NRG3: variants seen among roughly 807,000 people sequenced by gnomAD.
NRG3 encodes pro-neuregulin-3, membrane-bound isoform.
In NRG3, 31 loss-of-function variants were observed where a neutral mutation model predicts 66.9. The observed-to-expected ratio is 0.46, with a 90% CI of 0.35 to 0.63. NRG3 has a LOEUF of 0.63. Among genes scored for constraint, NRG3 ranks in the 20% least tolerant of loss-of-function variants. The probability of loss-of-function intolerance (pLI) is 0.00; values close to 1 mark genes in which losing one functional copy is unlikely to be tolerated. For missense variants in NRG3, 910 were observed against 878.9 expected (o/e 1.04, Z -0.45); for synonymous variants, 393 against 359.4 (o/e 1.09, Z -1.06).
chr10:82,805,719 G>A (rs923206548), intron 3 of NRG3, among the ~76,000 whole-genome samples: 11 of 152,166 alleles, frequency 7.2e-5, no homozygotes. Context: ...TCTCCAAGGA[G>A]ATGTTCCTGA....
intron 1 of NRG3, among the ~76,000 whole-genome samples, chr10:81,963,860 TTAGTCATG>T (rs1224905894): frequency 6.6e-6 from 1 of 152,210 alleles, no homozygotes; most frequent in Admixed American, 6.5e-5. Flanking sequence ...TGGGATGTTA[TTAGTCATG>T]TAGAGGCAGA....
intron 1 of NRG3, among the ~76,000 whole-genome samples, chr10:82,012,485 C>T (rs2061621319): frequency 6.6e-6 from 1 of 150,748 alleles, no homozygotes; most frequent in African/African-American, 2.4e-5. Context: ...GCAGATTTCT[C>T]AGCTGGCTTG....
intron 1 of NRG3, among the ~76,000 whole-genome samples, chr10:82,311,944 T>A (rs1022185215): frequency 1.3e-5 from 2 of 152,200 alleles, no homozygotes; most frequent in African/African-American, 4.8e-5. Flanking sequence ...ACATTCTGGC[T>A]CTATTACTTT....
intron 1 of NRG3, among the ~76,000 whole-genome samples, chr10:82,233,375 CAA>C (rs1357773411): frequency 2.0e-5 from 3 of 152,014 alleles, no homozygotes; most frequent in African/African-American, 7.3e-5. Flanking sequence ...AAAAACAAAA[CAA>C]AACAAAACAA....
At chr10:81,961,943 C>A (rs915769187) in intron 1 of NRG3, among the ~76,000 whole-genome samples, 4 of 152,196 alleles carry the variant, frequency 2.6e-5, no homozygotes, top group African/African-American at 9.7e-5. Context: ...GCTTTGGTGG[C>A]TCTACCAAGT....
At chr10:81,906,623 G>A (rs1043816188) in intron 1 of NRG3, among the ~76,000 whole-genome samples, 3 of 152,130 alleles carry the variant, frequency 2.0e-5, no homozygotes, top group African/African-American at 4.8e-5. Context: ...ATGTTGCCAC[G>A]TGAGGTCTGA....
At chr10:82,118,469 TTTTC>T (rs1348495210) in intron 1 of NRG3, among the ~76,000 whole-genome samples, 2 of 152,058 alleles carry the variant, frequency 1.3e-5, no homozygotes, top group Non-Finnish European at 2.9e-5. Flanking sequence ...CTGTAGATGT[TTTTC>T]TTTTTTAATA....
intron 1 of NRG3, among the ~76,000 whole-genome samples, chr10:81,992,106 C>A (rs904886316): frequency 6.6e-6 from 1 of 152,004 alleles, no homozygotes; most frequent in African/African-American, 2.4e-5. Flanking sequence ...TTAATATAAG[C>A]AAAAACTGTC....
intron 2 of NRG3, among the ~76,000 whole-genome samples, chr10:82,438,829 C>A (rs2090287703): frequency 2.6e-5 from 4 of 152,272 alleles, no homozygotes; most frequent in African/African-American, 7.2e-5. Context: ...CACTGCTCTT[C>A]CTTCTCTTCA....
At chr10:81,969,883 T>C (rs79708196) in intron 1 of NRG3, among the ~76,000 whole-genome samples, 66 of 152,290 alleles carry the variant, frequency 4.3e-4, no homozygotes, top group African/African-American at 1.5e-3. Flanking sequence ...ACTCAATCTC[T>C]TCATACAGAT....
At chr10:82,956,450 G>A (rs1850060622) in intron 5 of NRG3, among the ~76,000 whole-genome samples, 1 of 151,910 alleles carries the variant, frequency 6.6e-6, no homozygotes, top group South Asian at 2.1e-4. Context: ...ATGGTAGATA[G>A]GCAGAGGCAG....
chr10:82,031,205 G>A (rs995992418), intron 1 of NRG3, among the ~76,000 whole-genome samples: 2 of 152,084 alleles, frequency 1.3e-5, no homozygotes, highest in Non-Finnish European at 2.9e-5. Flanking sequence ...TTTCAACTGA[G>A]TGCACACATC....
intron 2 of NRG3, among the ~76,000 whole-genome samples, chr10:82,617,383 C>T (rs2048740581): frequency 6.6e-6 from 1 of 151,754 alleles, no homozygotes; most frequent in Non-Finnish European, 1.5e-5. Flanking sequence ...CAGACACAAA[C>T]ACCACACACA....
At chr10:82,345,032 T>C (rs1313929326) in intron 1 of NRG3, among the ~76,000 whole-genome samples, 1 of 117,434 alleles carries the variant, frequency 8.5e-6, no homozygotes, top group Non-Finnish European at 1.6e-5. Flanking sequence ...ACTCTGATGG[T>C]AGTTTCTTTT....
chr10:82,505,502 C>T (rs982126687), intron 2 of NRG3, among the ~76,000 whole-genome samples: 3 of 152,272 alleles, frequency 2.0e-5, no homozygotes, highest in Middle Eastern at 6.8e-3. Context: ...TCAAATTGGG[C>T]CACAGGAAGT....
At chr10:82,470,662 TG>T (rs909927427) in intron 2 of NRG3, among the ~76,000 whole-genome samples, 1 of 152,214 alleles carries the variant, frequency 6.6e-6, no homozygotes, top group African/African-American at 2.4e-5. Flanking sequence ...ACAGCAATGC[TG>T]TGTCTCAGTG....
At chr10:81,947,025 G>A (rs1195722418) in intron 1 of NRG3, among the ~76,000 whole-genome samples, 1 of 152,168 alleles carries the variant, frequency 6.6e-6, no homozygotes, top group African/African-American at 2.4e-5. Context: ...TAGCACCAAG[G>A]TCTGGAGTCC....
chr10:82,498,243 G>A (rs1275402547), intron 2 of NRG3, among the ~76,000 whole-genome samples: 1 of 151,730 alleles, frequency 6.6e-6, no homozygotes, highest in African/African-American at 2.4e-5. Flanking sequence ...CATCATTAAG[G>A]GGAAATAAAC....
intron 1 of NRG3, among the ~76,000 whole-genome samples, chr10:82,275,517 T>C (rs1334184253): frequency 6.6e-6 from 1 of 152,026 alleles, no homozygotes; most frequent in African/African-American, 2.4e-5. Flanking sequence ...TGAAGGATCC[T>C]CAGGGCTGGA....
Sources: allele counts gnomAD v4.1 joint callset (sites outside exome capture counted in the v4.1 genomes callset), GRCh38; gene constraint gnomAD v4.1.1; transcripts MANE v1.5; gene names NCBI Gene and HGNC (gene_info 2026-07-23, HGNC 2026-07-21).